The following SLC30A6 variants were observed in gnomAD, a reference collection of about 807,000 sequenced individuals.
SLC30A6 encodes the protein zinc transporter 6.
A neutral mutation model predicts 63.0 loss-of-function variants in SLC30A6; 55 were observed. The observed-to-expected ratio is 0.87, with a 90% CI of 0.70 to 1.09. The LOEUF (loss-of-function observed/expected upper bound fraction) is 1.09. Among genes scored for constraint, SLC30A6 ranks in the 50% least tolerant of loss-of-function variants. The probability of loss-of-function intolerance (pLI) is 0.00; values close to 1 mark genes in which losing one functional copy is unlikely to be tolerated. For missense variants in SLC30A6, 587 were observed against 549.2 expected (o/e 1.07, Z -0.69); for synonymous variants, 224 against 186.1 (o/e 1.20, Z -1.66).
At chr2:32,175,251 T>G (rs1420380926) in intron 3 of SLC30A6, 68 bp from the exon 4 acceptor site, 7 of 1,465,018 alleles carry the variant, frequency 4.8e-6, no homozygotes, top group Non-Finnish European at 6.6e-6. Flanking sequence ...AGAAATAATT[T>G]TGGTAACTTG....
chr2:32,194,106 C>T, intron 8 of SLC30A6, 123 bp downstream of exon 8: 1 of 629,206 alleles, frequency 1.6e-6, no homozygotes, highest in South Asian at 2.7e-5. Flanking sequence ...AGAGAACTAG[C>T]CCAAATGTTC....
intron 5 of SLC30A6, among the ~76,000 whole-genome samples, chr2:32,188,136 GT>G (rs1318668946): frequency 1.3e-5 from 2 of 151,956 alleles, no homozygotes; most frequent in Non-Finnish European, 2.9e-5. Context: ...CTTTCTTTTT[GT>G]TGTTTGAACG....
rs555586610 is a variant in SLC30A6, at chr2:32,208,695, G to A, written c.817-798G>A. On this transcript the variant is annotated intron_variant, in intron 12 of 13. Transcript: ENST00000282587. ...ACCGGCTAATTGTTGTACTTTTTTA[G>A]TAGAGACAGGGTTTCGCCATGTTGG... Among the ~76,000 whole-genome samples the A allele has an allele frequency of 7.7e-4, 117 of 151,632 alleles. 2 individuals are homozygous for A. In the South Asian group the frequency reaches 0.024, roughly 30 times the overall value.
chr2:32,192,959 AT>A lies in SLC30A6; in HGVS notation c.401+10del. 6.7e-7 allele frequency: 1 copy of A among 1,503,084 alleles called. No individual in the cohort carries two copies. The highest frequency in any genetic ancestry group is 1.9e-5 in the Admixed American group (1 of 53,414). 93.1% of individuals were successfully genotyped at this position (1,503,084 alleles called of 1,614,324 possible). On this transcript the variant is annotated splice_region_variant and intron_variant, in intron 7 of 13. Transcript: ENST00000282587. ...GAACAGCCCGAGATACACACGTGAG[AT>A]TTTATTTTCAATATATAATTTACTA...
At chr2:32,193,091 C>T (rs1255463026) in intron 7 of SLC30A6, 138 bp downstream of exon 7, 1 of 517,704 alleles carries the variant, frequency 1.9e-6, no homozygotes, top group African/African-American at 2.0e-5. Context: ...ACAAAATTCC[C>T]TAATACTAAG....
In SLC30A6 at chr2:32,203,752, G is replaced by T. The variant is rs114098916; in HGVS notation, c.666-838G>T. 4.6e-6 allele frequency: 7 copies of T among 1,513,776 alleles called. No individual in the cohort carries two copies. In the East Asian group the frequency reaches 6.8e-5, roughly 15 times the overall value. 93.8% of individuals were successfully genotyped at this position (1,513,776 alleles called of 1,614,324 possible). Reference sequence around the variant, plus strand: ...GTTACAGGCAGAGTGGCATGATTCCGACTGGATATTCTCAGTGCCAGCCAA... The same window carrying T: ...GTTACAGGCAGAGTGGCATGATTCCTACTGGATATTCTCAGTGCCAGCCAA... On this transcript the variant is annotated intron_variant, in intron 10 of 13. Coordinates refer to ENST00000282587, the MANE Select transcript of SLC30A6 (RefSeq NM_017964.5).
chr2:32,191,905 G>T (rs970069297), intron 5 of SLC30A6, among the ~76,000 whole-genome samples: 3 of 152,038 alleles, frequency 2.0e-5, no homozygotes, highest in African/African-American at 4.8e-5. Context: ...TCTAATAAGG[G>T]GTTGGGAGGT....
intron 4 of SLC30A6, among the ~76,000 whole-genome samples, chr2:32,181,171 C>A (rs757162163): frequency 1.1e-4 from 17 of 152,126 alleles, no homozygotes; most frequent in Non-Finnish European, 2.1e-4. Flanking sequence ...TAAATAAAAT[C>A]AAACATATTG....
chr2:32,206,971 A>G (rs770109658), intron 12 of SLC30A6, 38 bp downstream of exon 12: 2 of 1,497,864 alleles, frequency 1.3e-6, no homozygotes, highest in Non-Finnish European at 1.9e-6. Context: ...TTTATTTTAT[A>G]TCAGGGAATT....
Position 32,188,460 on chromosome 2 carries a change from G to A in SLC30A6, c.285-3876G>A, listed in dbSNP as rs1436188797. Among the ~76,000 whole-genome samples the A allele has an allele frequency of 2.6e-5, 4 of 152,110 alleles. No homozygotes were observed. In the East Asian group the frequency reaches 7.7e-4, roughly 29 times the overall value. On this transcript the variant is annotated intron_variant, in intron 5 of 13. Transcript: ENST00000282587. ...TATAATCCCAGCGCTTTGGGAGGCC[G>A]AGGTGGGAGGATCACCTGAGGTCAG... is the stretch of plus-strand genomic sequence containing the variant.
intron 1 of SLC30A6, among the ~76,000 whole-genome samples, chr2:32,168,993 C>G (rs567694788): frequency 4.6e-5 from 7 of 152,266 alleles, no homozygotes; most frequent in African/African-American, 1.7e-4. Context: ...TGTTGATTCT[C>G]TTAACCTGAA....
At chr2:32,201,575 C>A in intron 10 of SLC30A6, 2 of 1,384,158 alleles carry the variant, frequency 1.4e-6, no homozygotes, top group South Asian at 2.7e-5. Context: ...CCACTGTGCC[C>A]GGAGGGAGGC....
At chr2:32,170,744 G>A (rs1172580259) in intron 1 of SLC30A6, among the ~76,000 whole-genome samples, 4 of 152,086 alleles carry the variant, frequency 2.6e-5, no homozygotes, top group East Asian at 1.9e-4. Flanking sequence ...TATTACAGGT[G>A]TGCACCACCA....
chr2:32,190,791 A>T (rs1224341761), intron 5 of SLC30A6, among the ~76,000 whole-genome samples: 1 of 152,006 alleles, frequency 6.6e-6, no homozygotes, highest in East Asian at 1.9e-4. Context: ...CGCCCAGCTA[A>T]TTTTTTGTAT....
chr2:32,209,034 C>T (rs886260075), intron 12 of SLC30A6, among the ~76,000 whole-genome samples: 10 of 152,056 alleles, frequency 6.6e-5, no homozygotes, highest in Admixed American at 5.2e-4. Flanking sequence ...ATATATCTGG[C>T]CTTGGAATTT....
At chr2:32,199,853 A>C (rs1350780349) in intron 10 of SLC30A6, among the ~76,000 whole-genome samples, 1 of 151,922 alleles carries the variant, frequency 6.6e-6, no homozygotes, top group African/African-American at 2.4e-5. Context: ...GGTGGCTTAC[A>C]CCTGTAGTCC....
chr2:32,202,860 A>C, intron 10 of SLC30A6: 2 of 907,464 alleles, frequency 2.2e-6, no homozygotes, highest in Non-Finnish European at 3.7e-6. Context: ...TTTTGGAAAA[A>C]TGACTCAAAA....
In SLC30A6 at chr2:32,221,166, GTT is replaced by G. The variant is rs1686120740; in HGVS notation, c.*456_*457del. 1 of 206,978 alleles carries G rather than the reference GTT, an allele frequency of 4.8e-6. No homozygotes were observed. Among genetic ancestry groups the G allele is most frequent in the African/African-American group, 2.4e-5 (1 of 41,990 alleles). 12.8% of individuals were successfully genotyped at this position (206,978 alleles called of 1,614,324 possible). On this transcript the variant is annotated 3_prime_UTR_variant, in exon 14 of 14. Transcript: ENST00000282587. ...TTAAGGCTTCCTTAGTTTTTGTTTTGTTTTGTTTTTTGAGATGGAGTCTCACT... is the reference window on the plus strand; with the variant it reads ...TTAAGGCTTCCTTAGTTTTTGTTTTGTTGTTTTTTGAGATGGAGTCTCACT...
intron 4 of SLC30A6, among the ~76,000 whole-genome samples, chr2:32,181,828 A>T (rs1348510665): frequency 2.0e-5 from 3 of 151,958 alleles, no homozygotes; most frequent in African/African-American, 7.2e-5. Context: ...GGATTGTGCC[A>T]CTGCACTCCA....
Sources: allele counts gnomAD v4.1 joint callset (sites outside exome capture counted in the v4.1 genomes callset), GRCh38; gene constraint gnomAD v4.1.1; transcripts MANE v1.5; gene names NCBI Gene and HGNC (gene_info 2026-07-23, HGNC 2026-07-21).